Variants in H6PD observed in about 807,000 individuals in gnomAD.
H6PD encodes GDH/6PGL endoplasmic bifunctional protein.
In H6PD, 48 loss-of-function variants were observed where a neutral mutation model predicts 61.2. The ratio of observed to expected loss-of-function variants is 0.78; its 90% CI spans 0.62 to 1.00. H6PD has a LOEUF of 1.00. Among genes scored for constraint, H6PD ranks in the 50% least tolerant of loss-of-function variants. The pLI is 0.00. For synonymous variants in H6PD, 480 were observed against 457.9 expected, an observed-to-expected ratio of 1.05 and a Z score of -0.62; for missense variants, 1,093 against 1,065.0, an observed-to-expected ratio of 1.03 and a Z score of -0.37.
Position 9,263,850 on chromosome 1 carries a change from CG to C in H6PD, c.1360del (p.Glu454SerfsTer110). On this transcript the variant is annotated frameshift_variant, in exon 5 of 5. Coordinates refer to ENST00000377403, the MANE Select transcript of H6PD (RefSeq NM_004285.4). LOFTEE classifies it high-confidence loss of function. ...CGATTACTACGCCTACAGCCCTGTG[CG>C]GGAGCGGGACGCCCACTCCGTCCTC... ...LSDYYAYSPV[R>X]ERDAHSVLLS... is the part of the protein sequence containing the mutation. The C allele has an allele frequency of 6.2e-7, 1 of 1,613,814 alleles. No individual in the cohort carries two copies. Among genetic ancestry groups the C allele is most frequent in the Non-Finnish European group, 8.5e-7 (1 of 1,179,924 alleles).
chr1:9,242,048 C>T (rs1052385872), intron 1 of H6PD, among the ~76,000 whole-genome samples: 14 of 152,278 alleles, frequency 9.2e-5, no homozygotes, highest in Middle Eastern at 3.4e-3. Flanking sequence ...GAGACTGTTT[C>T]GAAACACCTG....
At position 9,254,374 on chromosome 1, in the gene H6PD, GATAAGATAAA is replaced by G. The variant is rs141361497; in HGVS notation, c.745+7306_745+7315del. On this transcript the variant is annotated intron_variant, in intron 3 of 4. Coordinates refer to ENST00000377403, the MANE Select transcript of H6PD (RefSeq NM_004285.4). This position sits in a 1 kb window ranked among gnomAD's most constrained non-coding sequence, Gnocchi z 4.6. ...TCTCCAATAAAATAAAACAAAATAA[GATAAGATAAA>G]ATAAGATAAAATAAACTGGAGCAGC... is the stretch of plus-strand genomic sequence containing the variant. Among the ~76,000 whole-genome samples, 1,715 of 152,106 alleles carry G rather than the reference GATAAGATAAA, an allele frequency of 0.011. 23 individuals carry two copies. The highest frequency in any genetic ancestry group is 0.04 in the African/African-American group (1,639 of 41,490).
chr1:9,245,156 A>G lies in H6PD; in HGVS notation c.222A>G (p.Gln74=), dbSNP rs778542653. Residue 74 remains glutamine, a synonymous_variant, in exon 2 of 5, where the codon CAA becomes CAG. Coordinates refer to ENST00000377403, the MANE Select transcript of H6PD (RefSeq NM_004285.4). This position sits in a 1 kb window ranked among gnomAD's most constrained non-coding sequence, Gnocchi z 4.8. The stretch of plus-strand genomic sequence containing the variant: ...CTCTGACAGCCCCCAAGCAGGGTCA[A>G]GAGCTCATGGCCAAGGCCCTGGAAT... ...GAALTAPKQG[Q]ELMAKALESL... is the part of the protein sequence containing the mutation. The G allele has an allele frequency of 6.2e-7, 1 of 1,614,226 alleles. No homozygotes were observed. Among genetic ancestry groups the G allele is most frequent in the Admixed American group, 1.7e-5 (1 of 60,024 alleles).
chr1:9,241,137 G>A (rs1243931168), intron 1 of H6PD, among the ~76,000 whole-genome samples: 1 of 152,192 alleles, frequency 6.6e-6, no homozygotes, highest in East Asian at 1.9e-4. Context: ...GGTTCACAAT[G>A]TTTTTCCTGA....
At chr1:9,249,084 C>T (rs1405815564) in intron 3 of H6PD, among the ~76,000 whole-genome samples, 1 of 152,208 alleles carries the variant, frequency 6.6e-6, no homozygotes, top group Non-Finnish European at 1.5e-5. Context: ...CTGGACTTGG[C>T]CCCATCCCCA....
intron 3 of H6PD, among the ~76,000 whole-genome samples, chr1:9,261,700 G>C (rs1042256580): frequency 2.0e-5 from 3 of 152,246 alleles, no homozygotes; most frequent in African/African-American, 7.2e-5. Context: ...AGCCCCCACA[G>C]TGCCGAGCCT....
chr1:9,248,907 C>G (rs2311051), intron 3 of H6PD, among the ~76,000 whole-genome samples: 70,311 of 152,150 alleles, frequency 0.46, 17,094 homozygotes, highest in African/African-American at 0.62. Context: ...CCGTGGGTTG[C>G]CCCCCGTGCC....
At chr1:9,263,305 A>G (rs1638399055) in intron 4 of H6PD, among the ~76,000 whole-genome samples, 1 of 152,112 alleles carries the variant, frequency 6.6e-6, no homozygotes, top group Non-Finnish European at 1.5e-5. Context: ...AAAGCCATAG[A>G]GATAGCCCCA....
chr1:9,247,475 C>T (rs1462576557), intron 3 of H6PD, among the ~76,000 whole-genome samples: 36 of 152,154 alleles, frequency 2.4e-4, no homozygotes, highest in Admixed American at 2.4e-3. Context: ...TCGCGTCCCC[C>T]TCACCTTCTG....
chr1:9,259,971 T>A (rs1641666866), intron 3 of H6PD, among the ~76,000 whole-genome samples: 1 of 152,114 alleles, frequency 6.6e-6, no homozygotes, highest in African/African-American at 2.4e-5. Flanking sequence ...GTTACTCTGC[T>A]GTTATGTTGT....
rs1037821974 is a variant in H6PD, at chr1:9,264,936, C to T, written c.*67C>T. The T allele has an allele frequency of 2.2e-5, 34 of 1,561,300 alleles. No individual in the cohort carries two copies. Among genetic ancestry groups the T allele is most frequent in the African/African-American group, 9.4e-5 (7 of 74,150 alleles). ...TTCGCCCGTGTCTTCCCTCCCTTCT[C>T]GGCCCCGCCACCTGCCCAGCGTGCC... On this transcript the variant is annotated 3_prime_UTR_variant, in exon 5 of 5. Transcript: ENST00000377403.
chr1:9,239,919 ACG>A, intron 1 of H6PD: 1 of 1,023,184 alleles, frequency 9.8e-7, no homozygotes, highest in Non-Finnish European at 1.3e-6. Flanking sequence ...GGACAGCTGC[ACG>A]CCTCTTCCGC....
intron 1 of H6PD, among the ~76,000 whole-genome samples, chr1:9,238,614 AT>A (rs1640913703): frequency 6.6e-6 from 1 of 152,242 alleles, no homozygotes; most frequent in African/African-American, 2.4e-5. Context: ...TAGAGTTGTC[AT>A]TTACTGATAA....
chr1:9,247,235 C>T, intron 3 of H6PD, 152 bp downstream of exon 3: 3 of 578,922 alleles, frequency 5.2e-6, no homozygotes, highest in South Asian at 4.8e-5. Context: ...CGGGCTAAAC[C>T]CCAGGGTGCC....
rs1275640415 is a variant in H6PD at position 9,263,805 on chromosome 1, C to G, written c.1312C>G (p.Leu438Val). ...AATGGAGGGACCACCTGGGCTCCGC[C>G]TTTTCGGCAGCCCTCTGTCCGATTA... ...KEMEGPPGLR[L>V]FGSPLSDYYA... Residue 438 changes from leucine to valine, a missense_variant, in exon 5 of 5, where the codon CTT (leucine) becomes GTT (valine). Leu to Val is a conservative substitution (Grantham distance 32, BLOSUM62 1). Coordinates refer to ENST00000377403, the MANE Select transcript of H6PD (RefSeq NM_004285.4). 1.2e-5 allele frequency: 19 copies of G among 1,614,004 alleles called. No homozygotes were observed. The highest frequency in any genetic ancestry group is 1.1e-4 in the East Asian group (5 of 44,882).
At chr1:9,263,427 G>GA (rs772831999) in intron 4 of H6PD, 82 bp from the exon 5 acceptor site, 121 of 1,377,024 alleles carry the variant, frequency 8.8e-5, no homozygotes, top group Non-Finnish European at 1.2e-4. Context: ...ACGCCCAGAG[G>GA]AGCCGGCAAG....
chr1:9,238,524 A>T (rs1640911807), intron 1 of H6PD, among the ~76,000 whole-genome samples: 1 of 152,184 alleles, frequency 6.6e-6, no homozygotes, highest in Non-Finnish European at 1.5e-5. Flanking sequence ...TATTCTAGAT[A>T]AATTTTGAAG....
Position 9,245,110 on chromosome 1 carries a change from G to C in H6PD, c.176G>C (p.Ser59Thr). Residue 59 changes from serine to threonine, a missense_variant, in exon 2 of 5, where the codon AGT becomes ACT. By Grantham distance (58) the Ser-to-Thr change is moderately conservative. Coordinates refer to ENST00000377403, the MANE Select transcript of H6PD (RefSeq NM_004285.4). The surrounding 1 kb of genome is among the most constrained non-coding windows in gnomAD (Gnocchi z 4.8). Reference sequence around the variant, plus strand: ...CTGGATGAAGCGGGGAGGGGTCACAGTTTTAGCTTCCATGGAGCTGCTCTG... The same window carrying C: ...CTGGATGAAGCGGGGAGGGGTCACACTTTTAGCTTCCATGGAGCTGCTCTG... ...LYLDEAGRGHSFSFHGAALTA... is the reference protein window; with the variant it reads ...LYLDEAGRGHTFSFHGAALTA... 1 of 1,614,216 alleles carries C rather than the reference G, an allele frequency of 6.2e-7. No homozygotes were observed. The highest frequency in any genetic ancestry group is 8.5e-7 in the Non-Finnish European group (1 of 1,180,026).
At chr1:9,236,282 G>A (rs534674944) in intron 1 of H6PD, among the ~76,000 whole-genome samples, 1 of 151,562 alleles carries the variant, frequency 6.6e-6, no homozygotes, top group Non-Finnish European at 1.5e-5. Flanking sequence ...GAACCACCGC[G>A]CCCAGCTGGT....
Sources: gnomAD v4.1 joint callset for allele counts (sites outside exome capture counted in the v4.1 genomes callset) on GRCh38, gnomAD v4.1.1 for gene constraint, Gnocchi (gnomAD v3.1) non-coding constraint, MANE v1.5 for transcripts, NCBI Gene and HGNC (gene_info 2026-07-23, HGNC 2026-07-21) for gene names.